Variants in RPTOR observed in about 807,000 individuals in gnomAD.
RPTOR encodes regulatory-associated protein of mTOR.
In RPTOR, 21 loss-of-function variants were observed where a neutral mutation model predicts 169.9. The observed-to-expected ratio is 0.12, with a 90% CI of 0.09 to 0.18. The LOEUF (loss-of-function observed/expected upper bound fraction) is 0.18, where lower values mean the gene tolerates loss of function less well. Among genes scored for constraint, RPTOR ranks in the 10% least tolerant of loss-of-function variants. The pLI is 1.00. For synonymous variants in RPTOR, 732 were observed against 753.2 expected, an observed-to-expected ratio of 0.97 and a Z score of 0.46; for missense variants, 1,133 against 1,855.9, an observed-to-expected ratio of 0.61 and a Z score of 7.16.
intron 6 of RPTOR, among the ~76,000 whole-genome samples, chr17:80,763,500 A>G (rs1457501072): frequency 2.0e-5 from 3 of 152,230 alleles, no homozygotes; most frequent in Non-Finnish European, 4.4e-5. Context: ...ACGAGATAAG[A>G]TGGGAGCTGA....
intron 9 of RPTOR, among the ~76,000 whole-genome samples, chr17:80,836,224 C>G (rs1198928580): frequency 2.0e-5 from 3 of 152,256 alleles, no homozygotes; most frequent in Non-Finnish European, 4.4e-5. Context: ...GAGCTGGGAG[C>G]AGAGCCCAGG....
chr17:80,586,037 A>G (rs1394354762), intron 1 of RPTOR, among the ~76,000 whole-genome samples: 1 of 151,742 alleles, frequency 6.6e-6, no homozygotes, highest in African/African-American at 2.4e-5. Flanking sequence ...ATCTGTCACA[A>G]TGTTGTTTGC....
chr17:80,825,634 A>G (rs1377126699), intron 9 of RPTOR, among the ~76,000 whole-genome samples: 1 of 152,186 alleles, frequency 6.6e-6, no homozygotes, highest in Admixed American at 6.5e-5. Flanking sequence ...TCATGAGGTG[A>G]TGTCGCAATC....
intron 3 of RPTOR, among the ~76,000 whole-genome samples, chr17:80,652,282 A>G (rs2065646964): frequency 6.6e-6 from 1 of 152,170 alleles, no homozygotes; most frequent in Non-Finnish European, 1.5e-5. Flanking sequence ...TCTTACCCCA[A>G]AGGGAAACCC....
chr17:80,691,073 A>C (rs1436060764), intron 3 of RPTOR, among the ~76,000 whole-genome samples: 1 of 152,166 alleles, frequency 6.6e-6, no homozygotes, highest in Non-Finnish European at 1.5e-5. Flanking sequence ...GGGGTTACAG[A>C]TACGAGCCAC....
intron 1 of RPTOR, among the ~76,000 whole-genome samples, chr17:80,574,332 T>C (rs373656546): frequency 8.6e-5 from 13 of 150,960 alleles, no homozygotes; most frequent in East Asian, 3.9e-4. Flanking sequence ...GCCCGGCTAA[T>C]TTTTTGTATT....
At chr17:80,766,807 G>C (rs778099550) in intron 6 of RPTOR, among the ~76,000 whole-genome samples, 1 of 150,754 alleles carries the variant, frequency 6.6e-6, no homozygotes, top group Non-Finnish European at 1.5e-5. Context: ...ACTCTCAAAT[G>C]TATGGTCTAA....
At chr17:80,704,635 A>G (rs2066128847) in intron 3 of RPTOR, among the ~76,000 whole-genome samples, 1 of 152,234 alleles carries the variant, frequency 6.6e-6, no homozygotes, top group African/African-American at 2.4e-5. Flanking sequence ...TTTACTACAA[A>G]TTGATTTGTT....
chr17:80,743,335 C>T (rs1052106887), intron 5 of RPTOR: 15 of 985,442 alleles, frequency 1.5e-5, no homozygotes, highest in East Asian at 2.3e-4. Flanking sequence ...CAGGTTCCGC[C>T]GTGCAGAGAA....
intron 4 of RPTOR, among the ~76,000 whole-genome samples, chr17:80,710,501 G>C (rs897972121): frequency 1.3e-5 from 2 of 151,630 alleles, no homozygotes; most frequent in African/African-American, 2.4e-5. Context: ...AATTAAGAAA[G>C]TACAATTCTT....
intron 3 of RPTOR, among the ~76,000 whole-genome samples, chr17:80,661,622 C>T (rs1262816249): frequency 1.3e-5 from 2 of 152,178 alleles, no homozygotes; most frequent in East Asian, 3.8e-4. Context: ...GAGAGTCTCT[C>T]CCCGGCGCTC....
intron 1 of RPTOR, among the ~76,000 whole-genome samples, chr17:80,611,791 TTA>T (rs980398693): frequency 6.6e-6 from 1 of 151,532 alleles, no homozygotes; most frequent in African/African-American, 2.4e-5. Flanking sequence ...AATCTACTCA[TTA>T]TGTTTGTTTC....
intron 33 of RPTOR, 110 bp from the exon 34 acceptor site, chr17:80,964,152 T>G: frequency 1.0e-6 from 1 of 973,390 alleles, no homozygotes; most frequent in Non-Finnish European, 1.6e-6. Context: ...TGGGGGTTCC[T>G]GAGACCCCGG....
chr17:80,593,948 G>GTT (rs1213292509), intron 1 of RPTOR: 1 of 152,222 alleles, frequency 6.6e-6, no homozygotes, highest in Non-Finnish European at 1.5e-5. Flanking sequence ...TCTAAAGAGT[G>GTT]TGAAGGGACC....
At chr17:80,911,313 C>T (rs951574874) in intron 21 of RPTOR, among the ~76,000 whole-genome samples, 2 of 152,220 alleles carry the variant, frequency 1.3e-5, no homozygotes, top group Admixed American at 6.5e-5. Flanking sequence ...GCCAGCTGCA[C>T]GGGCACCTGG....
At chr17:80,888,578 C>A (rs1296988105) in intron 17 of RPTOR, among the ~76,000 whole-genome samples, 1 of 152,166 alleles carries the variant, frequency 6.6e-6, no homozygotes, top group Admixed American at 6.5e-5. Flanking sequence ...GCAGCCGTGT[C>A]AACACTGGGA....
chr17:80,686,812 C>T (rs906702324), intron 3 of RPTOR, among the ~76,000 whole-genome samples: 3 of 152,128 alleles, frequency 2.0e-5, no homozygotes, highest in Non-Finnish European at 2.9e-5. Flanking sequence ...TGAGCACCTG[C>T]GCTTCAGAGT....
intron 27 of RPTOR, chr17:80,948,433 G>C (rs1323977166): frequency 1.3e-5 from 2 of 152,708 alleles, no homozygotes; most frequent in African/African-American, 4.8e-5. Context: ...GGCAGGGGCC[G>C]GTGGGGGCAA....
At chr17:80,551,340 A>T (rs528285707) in intron 1 of RPTOR, among the ~76,000 whole-genome samples, 1 of 152,300 alleles carries the variant, frequency 6.6e-6, no homozygotes, top group African/African-American at 2.4e-5. Context: ...AGCGTTCAGC[A>T]TATGGAGGAT....
Sources: gnomAD v4.1 joint callset for allele counts (sites outside exome capture counted in the v4.1 genomes callset) on GRCh38, gnomAD v4.1.1 for gene constraint, MANE v1.5 for transcripts, NCBI Gene and HGNC (gene_info 2026-07-23, HGNC 2026-07-21) for gene names.